The following SND1 variants were observed in gnomAD, a reference collection of about 807,000 sequenced individuals.
The protein encoded by SND1 is staphylococcal nuclease and tudor domain containing 1, also known as staphylococcal nuclease domain-containing protein 1.
SND1 carries 38 observed loss-of-function variants against 121.7 expected under a neutral mutation model. The ratio of observed to expected loss-of-function variants is 0.31; its 90% CI spans 0.24 to 0.41. The LOEUF is 0.41. Among genes scored for constraint, SND1 ranks in the 10% least tolerant of loss-of-function variants. The pLI is 1.00. For synonymous variants in SND1, 401 were observed against 447.4 expected (o/e 0.90, Z 1.31); for missense variants, 868 against 1,184.6 (o/e 0.73, Z 3.92).
intron 16 of SND1, among the ~76,000 whole-genome samples, chr7:128,016,144 C>CTTTTTTTTTTTTTTTTTTTTTTTT (rs767867847): frequency 1.6e-5 from 2 of 123,002 alleles, no homozygotes; most frequent in Non-Finnish European, 3.3e-5. Flanking sequence ...GGAACAACTT[C>CTTTTTTTTTTTTTTTTTTTTTTTT]CTTTTTTTTT....
chr7:127,791,890 A>G (rs1364577211), intron 10 of SND1, among the ~76,000 whole-genome samples: 1 of 152,160 alleles, frequency 6.6e-6, no homozygotes, highest in Non-Finnish European at 1.5e-5. Flanking sequence ...ATTTAAGCTA[A>G]CTTTAGTCTT....
intron 11 of SND1, among the ~76,000 whole-genome samples, chr7:127,829,661 C>T (rs1217110656): frequency 2.0e-5 from 3 of 152,084 alleles, no homozygotes; most frequent in East Asian, 1.9e-4. Flanking sequence ...AAAAGTACAC[C>T]GTAGTGGATA....
intron 15 of SND1, among the ~76,000 whole-genome samples, chr7:127,954,713 T>G (rs1023079259): frequency 6.6e-6 from 1 of 152,132 alleles, no homozygotes; most frequent in Non-Finnish European, 1.5e-5. Flanking sequence ...TCCAGGGAGC[T>G]GGAGAGCTTC....
At chr7:127,992,738 A>G (rs75667932) in intron 16 of SND1, among the ~76,000 whole-genome samples, 1 of 152,122 alleles carries the variant, frequency 6.6e-6, no homozygotes, top group Non-Finnish European at 1.5e-5. Flanking sequence ...CTTCCTGATC[A>G]TGTTTCTGGC....
At chr7:127,674,173 C>A (rs945694902) in intron 1 of SND1, among the ~76,000 whole-genome samples, 4 of 152,112 alleles carry the variant, frequency 2.6e-5, no homozygotes, top group Non-Finnish European at 4.4e-5. Context: ...TCCCCACTTG[C>A]ATTTCTGCAT....
In SND1 at chr7:127,715,129, C is replaced by T. The variant is rs1796364383; in HGVS notation, c.1039-6158C>T. On this transcript the variant is annotated intron_variant, in intron 9 of 23. Transcript: ENST00000354725. ...GGTTCTACTTTCTGTACATCCTCAC[C>T]AACATTTGTTATTTTCTGGGTTTTT... is the stretch of plus-strand genomic sequence containing the variant. Among the ~76,000 whole-genome samples the T allele has an allele frequency of 2.0e-5, 3 of 149,100 alleles. No homozygotes were observed. The East Asian group carries it at 6.0e-4, about 30-fold the overall frequency.
At chr7:128,065,312 C>T (rs1584769761) in intron 16 of SND1, among the ~76,000 whole-genome samples, 1 of 152,188 alleles carries the variant, frequency 6.6e-6, no homozygotes, top group Non-Finnish European at 1.5e-5. Context: ...CCGTGGGAAA[C>T]CCACTGTGGT....
intron 17 of SND1, among the ~76,000 whole-genome samples, chr7:128,080,587 G>C (rs1317793775): frequency 1.3e-5 from 2 of 152,232 alleles, no homozygotes; most frequent in Admixed American, 1.3e-4. Context: ...GCAGAATTCA[G>C]AGTGCCCTGC....
At chr7:128,039,595 GGA>G (rs770170159) in intron 16 of SND1, among the ~76,000 whole-genome samples, 39 of 152,152 alleles carry the variant, frequency 2.6e-4, no homozygotes, top group Non-Finnish European at 5.1e-4. Flanking sequence ...GATTTATGAA[GGA>G]GAGTTTTATG....
chr7:127,847,388 G>A lies in SND1; in HGVS notation c.1343+2964G>A, dbSNP rs186531476. ...TCAGAATTAAGTTATACTACTAAGA[G>A]CCTTTTATCTTACTTAATGGTGATT... On this transcript the variant is annotated intron_variant, in intron 12 of 23. Coordinates refer to ENST00000354725, the MANE Select transcript of SND1 (RefSeq NM_014390.4). 5.3e-5 allele frequency among the ~76,000 whole-genome samples: 8 copies of A among 152,284 alleles called. No individual in the cohort carries two copies. In the East Asian group the frequency reaches 1.3e-3, roughly 26 times the overall value.
At chr7:127,776,747 A>G (rs1797627483) in intron 10 of SND1, among the ~76,000 whole-genome samples, 1 of 152,168 alleles carries the variant, frequency 6.6e-6, no homozygotes, top group Non-Finnish European at 1.5e-5. Context: ...GGTATAAAAC[A>G]CTGGGTATTT....
intron 16 of SND1, among the ~76,000 whole-genome samples, chr7:128,054,229 C>T (rs1331283961): frequency 6.6e-6 from 1 of 152,206 alleles, no homozygotes; most frequent in Non-Finnish European, 1.5e-5. Context: ...CCTCCAGTGG[C>T]AGGAAGGCAG....
At chr7:127,938,944 A>G (rs1026580128) in intron 15 of SND1, among the ~76,000 whole-genome samples, 1 of 152,268 alleles carries the variant, frequency 6.6e-6, no homozygotes, top group Non-Finnish European at 1.5e-5. Flanking sequence ...TGGATGATAC[A>G]GTTCCAGCCT....
chr7:127,742,474 C>G (rs1000632122), intron 10 of SND1, among the ~76,000 whole-genome samples: 1 of 152,022 alleles, frequency 6.6e-6, no homozygotes, highest in African/African-American at 2.4e-5. Context: ...GAACCCTACT[C>G]ACCTTCGTTT....
intron 1 of SND1, among the ~76,000 whole-genome samples, chr7:127,678,414 C>G (rs1213801757): frequency 7.2e-5 from 11 of 152,166 alleles, no homozygotes; most frequent in Admixed American, 7.2e-4. Context: ...GGCTCGGGAG[C>G]AGCAACTTGT....
intron 16 of SND1, among the ~76,000 whole-genome samples, chr7:128,019,222 G>A (rs1039528811): frequency 7.9e-5 from 12 of 152,128 alleles, no homozygotes; most frequent in African/African-American, 2.4e-4. Context: ...TTGCTAACCC[G>A]TAACCTCTCA....
In SND1 at chr7:128,017,642, C is replaced by T. The variant is rs576762835; in HGVS notation, c.1779+26586C>T. ...TGATCCCATCTCAAGTCATTTCACA[C>T]CAGCAGAGGGAAGCCCTGTTCCAAC... On this transcript the variant is annotated intron_variant, in intron 16 of 23. Transcript: ENST00000354725. Among the ~76,000 whole-genome samples, 7 of 152,356 alleles carry T rather than the reference C, an allele frequency of 4.6e-5. No individual in the cohort carries two copies. The South Asian group carries it at 1.0e-3, about 23-fold the overall frequency.
At chr7:127,671,277 G>A (rs1795513099) in intron 1 of SND1, among the ~76,000 whole-genome samples, 1 of 152,166 alleles carries the variant, frequency 6.6e-6, no homozygotes, top group Non-Finnish European at 1.5e-5. Flanking sequence ...GAATAATAGA[G>A]ATAACTCCTG....
At chr7:127,705,524 C>T (rs1251007335) in intron 8 of SND1, among the ~76,000 whole-genome samples, 1 of 152,028 alleles carries the variant, frequency 6.6e-6, no homozygotes, top group African/African-American at 2.4e-5. Context: ...TAGAAAACTG[C>T]ATGTAGAAAT....
Sources: allele counts gnomAD v4.1 joint callset (sites outside exome capture counted in the v4.1 genomes callset), GRCh38; gene constraint gnomAD v4.1.1; transcripts MANE v1.5; gene names NCBI Gene and HGNC (gene_info 2026-07-23, HGNC 2026-07-21).